F11R: variants seen among roughly 807,000 people sequenced by gnomAD.
F11R encodes the protein F11 receptor, also known as junctional adhesion molecule A.
Under a neutral mutation model 39.3 loss-of-function variants are expected in F11R, and 27 were observed. That is an observed-to-expected ratio of 0.69 (90% CI 0.51 to 0.95). F11R has a LOEUF of 0.95. F11R is among the 40% of genes least tolerant of loss of function. F11R has a pLI of 0.00. For synonymous variants in F11R, 131 were observed against 144.9 expected (o/e 0.90, Z 0.69); for missense variants, 335 against 372.7 (o/e 0.90, Z 0.83).
At chr1:161,015,547 C>T (rs538367246) in intron 1 of F11R, among the ~76,000 whole-genome samples, 193 of 149,134 alleles carry the variant, frequency 1.3e-3, no homozygotes, top group Admixed American at 1.9e-3. Flanking sequence ...GACAAGATCA[C>T]GCCACTGGAC....
rs1252895997 is a variant in F11R at position 160,996,329 on chromosome 1, T to A, written c.*2542A>T. On this transcript the variant is annotated 3_prime_UTR_variant, in exon 10 of 10. Transcript: ENST00000368026. ...TCCAAGGCTGGCAATAACTGACTCA[T>A]ATTCTTCACAAGTGGCCTAGACAAT... 1 of 152,368 alleles carries A rather than the reference T, an allele frequency of 6.6e-6. No homozygotes were observed. The highest frequency in any genetic ancestry group is 1.5e-5 in the Non-Finnish European group (1 of 68,040). The allele number at this position is 152,368 out of a possible 1,614,324, so 9.4% of individuals were successfully genotyped here. A position where few individuals can be genotyped will look rare whatever the true frequency, so the allele number is the denominator to read the frequency against.
intron 1 of F11R, among the ~76,000 whole-genome samples, chr1:161,020,684 G>A (rs184712922): frequency 1.2e-4 from 18 of 152,328 alleles, no homozygotes; most frequent in Admixed American, 1.0e-3. Context: ...GCGCTGGGTA[G>A]ATGAGTGTGG....
At chr1:161,020,959 T>C in intron 1 of F11R, 51 bp downstream of exon 1, 2 of 1,569,400 alleles carry the variant, frequency 1.3e-6, no homozygotes, top group Non-Finnish European at 1.8e-6. Context: ...AGAGCCTTCC[T>C]CCAACCTCTG....
intron 1 of F11R, among the ~76,000 whole-genome samples, chr1:161,015,884 C>G (rs1023498830): frequency 3.3e-5 from 5 of 151,894 alleles, no homozygotes; most frequent in African/African-American, 7.3e-5. Context: ...ATACCCCACC[C>G]CTTTGATATC....
In F11R at chr1:161,019,559, C is replaced by T. The variant is rs1319065762; in HGVS notation, c.64+1451G>A. Among the ~76,000 whole-genome samples, 5 of 145,686 alleles carry T rather than the reference C, an allele frequency of 3.4e-5. No individual in the cohort carries two copies. In the East Asian group the frequency reaches 1.0e-3, roughly 29 times the overall value. On this transcript the variant is annotated intron_variant, in intron 1 of 9. Coordinates refer to ENST00000368026, the MANE Select transcript of F11R (RefSeq NM_016946.6). ...GCGGTGGGCCAAGATGGCACCATTG[C>T]ACTCGAGCCTGGGCAACAAGCGAAA...
chr1:161,020,988 T>C (rs772249541), intron 1 of F11R, 22 bp downstream of exon 1: 12 of 1,613,214 alleles, frequency 7.4e-6, no homozygotes, highest in African/African-American at 1.3e-5. Context: ...AACCGATTCC[T>C]CCCGAAACTC....
intron 2 of F11R, 30 bp from the exon 3 acceptor site, chr1:161,001,157 A>G (rs1444903337): frequency 6.2e-7 from 1 of 1,608,446 alleles, no homozygotes; most frequent in Non-Finnish European, 8.5e-7. Flanking sequence ...GAGCCGAAGG[A>G]AGAAGCAGCA....
intron 1 of F11R, among the ~76,000 whole-genome samples, chr1:161,011,066 T>C (rs1649130473): frequency 6.6e-6 from 1 of 151,268 alleles, no homozygotes; most frequent in African/African-American, 2.4e-5. Context: ...TGAGTCTTGC[T>C]CTGTCGCCCA....
chr1:161,013,634 G>C (rs1232989774), intron 1 of F11R, among the ~76,000 whole-genome samples: 1 of 152,242 alleles, frequency 6.6e-6, no homozygotes, highest in African/African-American at 2.4e-5. Context: ...GTGTGAGCAA[G>C]AGGAAGGCTC....
intron 1 of F11R, among the ~76,000 whole-genome samples, chr1:161,010,440 T>G (rs1416714179): frequency 1.4e-4 from 1 of 6,946 alleles, no homozygotes; most frequent in Admixed American, 1.0e-3. Flanking sequence ...CGAGACTCCA[T>G]CAAAAAAAAA....
chr1:161,004,166 G>C (rs1406401405), intron 1 of F11R, among the ~76,000 whole-genome samples: 1 of 152,082 alleles, frequency 6.6e-6, no homozygotes, highest in Non-Finnish European at 1.5e-5. Flanking sequence ...GGCTGGTCTA[G>C]AACTCCTGGT....
Position 160,998,600 on chromosome 1 carries a change from C to T in F11R, c.*271G>A. The T allele has an allele frequency of 1.7e-6, 1 of 576,954 alleles. No individual in the cohort carries two copies. Among genetic ancestry groups the T allele is most frequent in the Non-Finnish European group, 3.1e-6 (1 of 325,026 alleles). The allele number at this position is 576,954 out of a possible 1,614,324, so 35.7% of individuals were successfully genotyped here. On this transcript the variant is annotated 3_prime_UTR_variant, in exon 10 of 10. Coordinates refer to ENST00000368026, the MANE Select transcript of F11R (RefSeq NM_016946.6). ...CTTAGAAGGGAAGTCAATGGCATAC[C>T]CAGGATTCCTTCCTGATCCCTCAAA...
At chr1:161,001,501 CTT>C (rs759374693) in intron 1 of F11R, 148 bp from the exon 2 acceptor site, 16 of 646,990 alleles carry the variant, frequency 2.5e-5, no homozygotes, top group Non-Finnish European at 4.0e-5. Flanking sequence ...GGCTCTCACA[CTT>C]TGTCACCATG....
At chr1:161,005,304 C>T (rs968352294) in intron 1 of F11R, among the ~76,000 whole-genome samples, 39 of 151,712 alleles carry the variant, frequency 2.6e-4, no homozygotes, top group African/African-American at 9.0e-4. Flanking sequence ...CCCTCCCTCC[C>T]CTACCTCCCC....
intron 1 of F11R, 128 bp from the exon 2 acceptor site, chr1:161,001,481 T>C (rs1478580543): frequency 1.2e-5 from 9 of 720,908 alleles, no homozygotes; most frequent in East Asian, 5.4e-5. Flanking sequence ...TCCAGACTTA[T>C]GCTCCCTCTG....
intron 1 of F11R, chr1:161,002,492 G>A (rs1478633732): frequency 6.6e-6 from 1 of 152,136 alleles, no homozygotes; most frequent in African/African-American, 2.4e-5. Context: ...AAGAACCAGT[G>A]ACCAGGGATT....
chr1:161,014,241 A>G (rs1649327491), intron 1 of F11R, among the ~76,000 whole-genome samples: 1 of 152,248 alleles, frequency 6.6e-6, no homozygotes, highest in Non-Finnish European at 1.5e-5. Context: ...CAGATGTGAT[A>G]AACAAGTCTC....
At chr1:161,006,035 G>A (rs1250892021) in intron 1 of F11R, among the ~76,000 whole-genome samples, 2 of 152,034 alleles carry the variant, frequency 1.3e-5, no homozygotes, top group Non-Finnish European at 2.9e-5. Context: ...CTACTTGGGA[G>A]GCTGAGGCAG....
rs1557888962 is a variant in F11R, at chr1:160,999,697, G to A, written c.745C>T (p.Leu249Phe). Reference sequence around the variant, plus strand: ...ATGCCAAAAACCAAGATTCCCAGGAGAATCAGGGTTACAAGGACGGCTGCC... The same window carrying A: ...ATGCCAAAAACCAAGATTCCCAGGAAAATCAGGGTTACAAGGACGGCTGCC... ...IVAAVLVTLILLGILVFGIWF... is the reference protein window; with the variant it reads ...IVAAVLVTLIFLGILVFGIWF... Residue 249 changes from leucine to phenylalanine, a missense_variant, in exon 7 of 10, where the codon CTC (leucine) becomes TTC (phenylalanine). Leu to Phe is a conservative substitution (Grantham distance 22). Coordinates refer to ENST00000368026, the MANE Select transcript of F11R (RefSeq NM_016946.6). 2 of 1,614,204 alleles carry A rather than the reference G, an allele frequency of 1.2e-6. No homozygotes were observed. Among genetic ancestry groups the A allele is most frequent in the East Asian group, 2.2e-5 (1 of 44,888 alleles).
Sources: allele counts gnomAD v4.1 joint callset (sites outside exome capture counted in the v4.1 genomes callset), GRCh38; gene constraint gnomAD v4.1.1; transcripts MANE v1.5; gene names NCBI Gene and HGNC (gene_info 2026-07-23, HGNC 2026-07-21).